ABCA7: variants seen among roughly 807,000 people sequenced by gnomAD.
ABCA7 encodes the protein ATP binding cassette subfamily A member 7.
ABCA7 carries 261 observed loss-of-function variants against 227.6 expected under a neutral mutation model. The ratio of observed to expected loss-of-function variants is 1.15; its 90% confidence interval spans 1.04 to 1.27. ABCA7 has a LOEUF of 1.27. Ranked by LOEUF, ABCA7 falls within the 50% of genes most tolerant of loss-of-function variation. The pLI, the probability that ABCA7 is intolerant of heterozygous loss-of-function variation, is 0.00. For missense variants in ABCA7, 3,331 were observed against 2,924.5 expected (o/e 1.14, Z -3.21); for synonymous variants, 1,488 against 1,279.7 (o/e 1.16, Z -3.47).
chr19:1,047,222 G>A lies in ABCA7; in HGVS notation c.1911G>A (p.Val637=). The A allele has an allele frequency of 1.9e-6, 3 of 1,608,734 alleles. No homozygotes were observed. The highest frequency in any genetic ancestry group is 2.5e-6 in the Non-Finnish European group (3 of 1,179,448). ...TCCTGTTCTTGGCAGCCTTCGCGGT[G>A]GCCACGGTGACCCAGAGCTTCCTGC... is the stretch of plus-strand genomic sequence containing the variant. ...VVFLFLAAFA[V]ATVTQSFLLS... Residue 637 remains valine (V), a synonymous_variant, in exon 15 of 47, where the codon GTG becomes GTA. Transcript: ENST00000263094.
At position 1,055,154 on chromosome 19, in the gene ABCA7, G is replaced by C; in HGVS notation, c.4008G>C (p.Trp1336Cys). 1 of 1,612,908 alleles carries C rather than the reference G, an allele frequency of 6.2e-7. No individual in the cohort carries two copies. The highest frequency in any genetic ancestry group is 8.5e-7 in the Non-Finnish European group (1 of 1,179,946). The change falls in exon 30 of 47, where the codon TGG (tryptophan) becomes TGC (cysteine). Residue 1336 changes from tryptophan (W) to cysteine (C), a missense_variant. Transcript: ENST00000263094. ...EVAKVLASGNWTPESPSPACQ... is the reference protein window; with the variant it reads ...EVAKVLASGNCTPESPSPACQ... Reference sequence around the variant, plus strand: ...CCAAGGTCTTGGCCAGTGGCAACTGGACCCCAGAGTCTCCATCCCCAGCCT... The same window carrying C: ...CCAAGGTCTTGGCCAGTGGCAACTGCACCCCAGAGTCTCCATCCCCAGCCT...
In ABCA7 at chr19:1,062,286, C is replaced by T. The variant is rs771068534; in HGVS notation, c.5685C>T (p.Arg1895=). 9.3e-6 allele frequency: 15 copies of T among 1,607,828 alleles called. No individual in the cohort carries two copies. The highest frequency in any genetic ancestry group is 5.5e-5 in the South Asian group (5 of 91,062). The change falls in exon 42 of 47, where the codon CGC becomes CGT. Residue 1895 remains arginine (R), a synonymous_variant. Transcript: ENST00000263094. Reference sequence around the variant, plus strand: ...ACCTGGAGCTGCTTGCGCGCCTGCGCGGTGTCCCGGAGGCCCAGGTTGCCC... The same window carrying T: ...ACCTGGAGCTGCTTGCGCGCCTGCGTGGTGTCCCGGAGGCCCAGGTTGCCC... The part of the protein sequence containing the change: ...REHLELLARL[R]GVPEAQVAQT...
intron 45 of ABCA7, chr19:1,064,640 G>A (rs1265233311): frequency 3.7e-6 from 2 of 539,200 alleles, no homozygotes; most frequent in African/African-American, 2.0e-5. Flanking sequence ...GGGCGAAAGA[G>A]GAGTGTCCGA....
rs972119063 is a variant in ABCA7, at chr19:1,054,141, C to T, written c.3577+31C>T. The T allele has an allele frequency of 1.9e-6, 3 of 1,612,454 alleles. No individual in the cohort carries two copies. The African/African-American group carries it at 4.0e-5, about 22-fold the overall frequency. On this transcript the variant is annotated intron_variant, in intron 26 of 46. Transcript: ENST00000263094. This position sits in a 1 kb window ranked among gnomAD's most constrained non-coding sequence, Gnocchi z 4.8. ...TCCTTCCCAGTGGCCCTGGGGTCCT[C>T]CCAGCCACCCCCCCACAGCAGCGTG...
chr19:1,051,544 T>TC lies in ABCA7; in HGVS notation c.2923dup (p.Arg975ProfsTer26). ...GCCTACGGCTGGCGTGGATCCTGCT[T>TC]CCCGCCGCGGTATTTGGGAGCTGCT... On this transcript the variant is annotated frameshift_variant, in exon 21 of 47. Coordinates refer to ENST00000263094, the MANE Select transcript of ABCA7 (RefSeq NM_019112.4). LOFTEE classifies it high-confidence loss of function. The TC allele has an allele frequency of 6.2e-7, 1 of 1,612,582 alleles. No homozygotes were observed.
At chr19:1,050,191 G>A in intron 18 of ABCA7, among the ~76,000 whole-genome samples, 1 of 150,034 alleles carries the variant, frequency 6.7e-6, no homozygotes, top group African/African-American at 2.5e-5. Flanking sequence ...TGGGAGGATT[G>A]CCTGAGGTCA....
rs1397783691 is a variant in ABCA7 at position 1,062,415 on chromosome 19, C to T, written c.5712+102C>T. The T allele has an allele frequency of 3.3e-6, 5 of 1,514,476 alleles. No individual in the cohort carries two copies. The African/African-American group carries it at 6.8e-5, about 21-fold the overall frequency. The allele number at this position is 1,514,476 out of a possible 1,614,324, so 93.8% of individuals were successfully genotyped here. A position where few individuals can be genotyped will look rare whatever the true frequency, so the allele number is the denominator to read the frequency against. On this transcript the variant is annotated intron_variant, in intron 42 of 46. Transcript: ENST00000263094. ...AATCCCGCACTCTCTCGCCTTGGCTCCATCCCTGTCCCTGCCCCCAGACCG... is the reference window on the plus strand; with the variant it reads ...AATCCCGCACTCTCTCGCCTTGGCTTCATCCCTGTCCCTGCCCCCAGACCG...
At position 1,043,407 on chromosome 19, in the gene ABCA7, G is replaced by A. The variant is rs199698907; in HGVS notation, c.864G>A (p.Lys288=). The change falls in exon 9 of 47, where the codon AAG becomes AAA. Residue 288 remains lysine (K), a synonymous_variant. Coordinates refer to ENST00000263094, the MANE Select transcript of ABCA7 (RefSeq NM_019112.4). ...PLSRLLWRRL[K]PLILGKLLFA... Reference sequence around the variant, plus strand: ...CCCGCCTGCTCTGGAGACGCCTGAAGCCTCTGATCCTCGGGAAGCTACTCT... The same window carrying A: ...CCCGCCTGCTCTGGAGACGCCTGAAACCTCTGATCCTCGGGAAGCTACTCT... The A allele has an allele frequency of 7.9e-4, 1,282 of 1,613,436 alleles. 20 individuals are homozygous for A. In the East Asian group the frequency reaches 0.027, roughly 34 times the overall value.
rs769070739 is a variant in ABCA7 at position 1,054,605 on chromosome 19, C to G, written c.3762C>G (p.Leu1254=). Reference sequence around the variant, plus strand: ...CTGCCCTCTTTGTGGGCCTGGCCCTCGTGTTCAGCCTCATCGTGCCTCCTT... The same window carrying G: ...CTGCCCTCTTTGTGGGCCTGGCCCTGGTGTTCAGCCTCATCGTGCCTCCTT... The part of the protein sequence containing the change: ...VLPALFVGLA[L]VFSLIVPPFG... The change falls in exon 28 of 47, where the codon CTC becomes CTG. Residue 1254 remains leucine, a synonymous_variant. Coordinates refer to ENST00000263094, the MANE Select transcript of ABCA7 (RefSeq NM_019112.4). The surrounding 1 kb of genome is among the most constrained non-coding windows in gnomAD (Gnocchi z 4.8). The G allele has an allele frequency of 1.2e-6, 2 of 1,612,812 alleles. No homozygotes were observed. The highest frequency in any genetic ancestry group is 2.7e-5 in the African/African-American group (2 of 74,904).
chr19:1,057,140 C>T, intron 34 of ABCA7, 56 bp downstream of exon 34: 1 of 1,580,400 alleles, frequency 6.3e-7, no homozygotes, highest in South Asian at 1.1e-5. Context: ...ACTGCCCTGT[C>T]TGGCCCCTTG....
At chr19:1,057,776 A>AG (rs1207346287) in intron 35 of ABCA7, 139 bp from the exon 36 acceptor site, 5 of 1,151,504 alleles carry the variant, frequency 4.3e-6, no homozygotes, top group African/African-American at 3.3e-5. Flanking sequence ...AAAGAGAGAA[A>AG]GAAAAAAAAA....
In ABCA7 at chr19:1,056,982, T is replaced by C. The variant is rs1299040264; in HGVS notation, c.4662T>C (p.Thr1554=). Residue 1554 remains threonine (T), a synonymous_variant, in exon 34 of 47, where the codon ACT becomes ACC. Transcript: ENST00000263094. The surrounding 1 kb of genome is among the most constrained non-coding windows in gnomAD (Gnocchi z 4.3). ...TGTCCTTTGTCCCGGCCAGCTTCAC[T>C]CTTGTCCTCATTGAGGAGCGAGTCA... ...FAMSFVPASF[T]LVLIEERVTR... 4 of 1,613,994 alleles carry C rather than the reference T, an allele frequency of 2.5e-6. No individual in the cohort carries two copies. Among genetic ancestry groups the C allele is most frequent in the Non-Finnish European group, 3.4e-6 (4 of 1,180,022 alleles).
At position 1,044,619 on chromosome 19, in the gene ABCA7, C is replaced by G. The variant is rs767214073; in HGVS notation, c.1090C>G (p.Pro364Ala). The G allele has an allele frequency of 6.2e-7, 1 of 1,613,264 alleles. No individual in the cohort carries two copies. The highest frequency in any genetic ancestry group is 2.2e-5 in the East Asian group (1 of 44,884). ...MQDEGRRQPR[P>A]GGRDHMEALR... ...GGATGAAGGAAGAAGGCAGCCCAGACCTGGAGGCCGGGACCACATGGAGGC... is the reference window on the plus strand; with the variant it reads ...GGATGAAGGAAGAAGGCAGCCCAGAGCTGGAGGCCGGGACCACATGGAGGC... Residue 364 changes from proline to alanine, a missense_variant, in exon 11 of 47, where the codon CCT becomes GCT. Physicochemically the swap from Pro to Ala is conservative, Grantham distance 27. Coordinates refer to ENST00000263094, the MANE Select transcript of ABCA7 (RefSeq NM_019112.4).
At chr19:1,064,509 G>A in intron 45 of ABCA7, 1 of 534,628 alleles carries the variant, frequency 1.9e-6, no homozygotes, top group Non-Finnish European at 3.3e-6. Context: ...GTTGGAGTAG[G>A]TGCAGCCTGG....
intron 6 of ABCA7, 108 bp downstream of exon 6, chr19:1,042,505 T>C (rs1236748120): frequency 7.2e-7 from 1 of 1,383,562 alleles, no homozygotes; most frequent in Non-Finnish European, 1.0e-6. Flanking sequence ...GCATCCAGGC[T>C]GTCCCTGGTC....
chr19:1,040,488 A>C (rs2039914292), intron 1 of ABCA7, among the ~76,000 whole-genome samples: 1 of 151,952 alleles, frequency 6.6e-6, no homozygotes, highest in Non-Finnish European at 1.5e-5. Flanking sequence ...CCCAGATCCT[A>C]AGTCCCGCTT....
intron 21 of ABCA7, 84 bp from the exon 22 acceptor site, chr19:1,051,858 G>A: frequency 6.5e-7 from 1 of 1,533,658 alleles, no homozygotes; most frequent in Non-Finnish European, 8.8e-7. Context: ...TGCTTCATGG[G>A]GCAGACAACT....
rs1228699552 is a variant in ABCA7 at position 1,047,383 on chromosome 19, G to A, written c.2067+5G>A. 1.0e-5 allele frequency: 16 copies of A among 1,563,348 alleles called. No individual in the cohort carries two copies. The South Asian group carries it at 1.0e-4, about 10-fold the overall frequency. On this transcript the variant is annotated splice_donor_5th_base_variant and intron_variant, in intron 15 of 46. Transcript: ENST00000263094. The stretch of plus-strand genomic sequence containing the variant: ...GCGGGTGGCCGCGTGGCCGCGGTGA[G>A]AGCCGGGTCGGGCGTGGATGGGGGA...
At position 1,058,058 on chromosome 19, in the gene ABCA7, A is replaced by T. The variant is rs1568394653; in HGVS notation, c.5024A>T (p.Gln1675Leu). 1.9e-6 allele frequency: 3 copies of T among 1,613,984 alleles called. No homozygotes were observed. The highest frequency in any genetic ancestry group is 1.1e-5 in the South Asian group (1 of 91,086). ...ATFVLELFSD[Q>L]KLQEVSRILK... ...TTTGTGCTTGAGCTCTTCTCTGATC[A>T]GGTGGGGCACCACGAGGCTGGGGCT... Residue 1675 changes from glutamine to leucine, a missense_variant and splice_region_variant, in exon 36 of 47, where the codon CAG becomes CTG. Gln to Leu is a moderately radical substitution (Grantham distance 113, BLOSUM62 -2). Coordinates refer to ENST00000263094, the MANE Select transcript of ABCA7 (RefSeq NM_019112.4).
Sources: gnomAD v4.1 joint callset for allele counts (sites outside exome capture counted in the v4.1 genomes callset) on GRCh38, gnomAD v4.1.1 for gene constraint, Gnocchi (gnomAD v3.1) non-coding constraint, MANE v1.5 for transcripts, NCBI Gene and HGNC (gene_info 2026-07-23, HGNC 2026-07-21) for gene names.